Variants in FAM168A observed in about 807,000 individuals in gnomAD.
FAM168A encodes the protein protein FAM168A.
FAM168A carries 3 observed loss-of-function variants against 28.5 expected under a neutral mutation model. The ratio of observed to expected loss-of-function variants is 0.11; its 90% CI spans 0.05 to 0.27. FAM168A has a LOEUF of 0.27. Ranked by LOEUF, FAM168A falls within the 10% of genes least tolerant of loss-of-function variation. The pLI is 1.00. For missense variants in FAM168A, 222 were observed against 311.5 expected, an observed-to-expected ratio of 0.71 and a Z score of 2.16; for synonymous variants, 122 against 124.2, an observed-to-expected ratio of 0.98 and a Z score of 0.12.
At chr11:73,571,264 CCT>C (rs1024560082) in intron 1 of FAM168A, among the ~76,000 whole-genome samples, 1 of 139,340 alleles carries the variant, frequency 7.2e-6, no homozygotes, top group Non-Finnish European at 1.5e-5. Flanking sequence ...TCTCCCTCTC[CCT>C]CTCTTTCCAC....
At chr11:73,596,829 G>A (rs2134754744) in intron 1 of FAM168A, among the ~76,000 whole-genome samples, 1 of 151,920 alleles carries the variant, frequency 6.6e-6, no homozygotes, top group African/African-American at 2.4e-5. Flanking sequence ...AATTTCCCCT[G>A]TGCCACCTCA....
intron 1 of FAM168A, among the ~76,000 whole-genome samples, chr11:73,516,093 C>T (rs910479233): frequency 1.7e-4 from 24 of 142,292 alleles, no homozygotes; most frequent in African/African-American, 6.4e-4. Flanking sequence ...GACTGAGACT[C>T]TGCCTTTAAA....
chr11:73,430,586 C>T (rs1366876494), intron 3 of FAM168A, 104 bp downstream of exon 3: 36 of 1,070,530 alleles, frequency 3.4e-5, no homozygotes, highest in African/African-American at 7.8e-5. Context: ...AGGCTGCGCC[C>T]GGAGCAATTA....
Position 73,595,316 on chromosome 11 carries a change from G to C in FAM168A, c.-19+2607C>G, listed in dbSNP as rs577302410. ...AAAACACTTTCAATTCAAAGGATAA[G>C]TCCAACGTTCCATCATTCTGCCCAT... On this transcript the variant is annotated intron_variant, in intron 1 of 7. Coordinates refer to ENST00000356467, the MANE Select transcript of FAM168A (RefSeq NM_015159.3). 2.2e-4 allele frequency among the ~76,000 whole-genome samples: 34 copies of C among 152,116 alleles called. 1 individual carries two copies. The South Asian group carries it at 6.6e-3, about 30-fold the overall frequency.
chr11:73,560,074 T>A (rs1943940246), intron 1 of FAM168A, among the ~76,000 whole-genome samples: 1 of 152,156 alleles, frequency 6.6e-6, no homozygotes, highest in African/African-American at 2.4e-5. Context: ...TTCTTGTTGT[T>A]GTTTTCTGAG....
intron 1 of FAM168A, among the ~76,000 whole-genome samples, chr11:73,481,392 G>C (rs1022647914): frequency 6.6e-6 from 1 of 152,202 alleles, no homozygotes; most frequent in Non-Finnish European, 1.5e-5. Context: ...GTCAGGCACA[G>C]AGTACCAGGG....
chr11:73,484,685 TAG>T (rs1868026641), intron 1 of FAM168A, among the ~76,000 whole-genome samples: 1 of 127,720 alleles, frequency 7.8e-6, no homozygotes, highest in Non-Finnish European at 1.7e-5. Flanking sequence ...TGTATCGCTA[TAG>T]ATATATAGAT....
intron 1 of FAM168A, among the ~76,000 whole-genome samples, chr11:73,539,844 T>C (rs897512336): frequency 2.0e-5 from 3 of 152,178 alleles, no homozygotes; most frequent in African/African-American, 4.8e-5. Context: ...TGAAAACAGA[T>C]GGTCTTATAA....
chr11:73,479,625 T>C (rs941980675), intron 1 of FAM168A, among the ~76,000 whole-genome samples: 2 of 152,190 alleles, frequency 1.3e-5, no homozygotes, highest in African/African-American at 2.4e-5. Flanking sequence ...AGACTGTGCA[T>C]GGCTACAGGT....
chr11:73,455,234 C>T (rs1867507895), intron 2 of FAM168A, among the ~76,000 whole-genome samples: 2 of 152,228 alleles, frequency 1.3e-5, no homozygotes, highest in Non-Finnish European at 2.9e-5. Context: ...CTCCCTTCCA[C>T]AAAGGGTTGA....
chr11:73,429,709 G>A (rs149743144), intron 3 of FAM168A, among the ~76,000 whole-genome samples: 12 of 152,276 alleles, frequency 7.9e-5, no homozygotes, highest in African/African-American at 1.2e-4. Flanking sequence ...CAGGCAGACC[G>A]TTGTTCCCTC....
At chr11:73,542,570 G>A (rs1373661505) in intron 1 of FAM168A, among the ~76,000 whole-genome samples, 1 of 152,032 alleles carries the variant, frequency 6.6e-6, no homozygotes, top group African/African-American at 2.4e-5. Context: ...TTCTATCCTT[G>A]CCATCTGCTT....
intron 1 of FAM168A, among the ~76,000 whole-genome samples, chr11:73,470,155 C>T (rs1867793153): frequency 6.6e-6 from 1 of 152,124 alleles, no homozygotes; most frequent in Non-Finnish European, 1.5e-5. Flanking sequence ...CGTGATCCAC[C>T]CACCTCAGCC....
At chr11:73,554,566 T>C (rs565413483) in intron 1 of FAM168A, among the ~76,000 whole-genome samples, 1 of 152,270 alleles carries the variant, frequency 6.6e-6, no homozygotes, top group East Asian at 1.9e-4. Context: ...AGTTTTTCCA[T>C]AACAGGCATT....
intron 1 of FAM168A, among the ~76,000 whole-genome samples, chr11:73,470,385 A>T (rs1013703452): frequency 6.6e-6 from 1 of 152,178 alleles, no homozygotes; most frequent in Non-Finnish European, 1.5e-5. Context: ...AGGATGAGAA[A>T]GACTGATAAA....
At chr11:73,551,876 C>T (rs946792305) in intron 1 of FAM168A, among the ~76,000 whole-genome samples, 4 of 152,196 alleles carry the variant, frequency 2.6e-5, no homozygotes, top group Admixed American at 2.0e-4. Context: ...TTCAGAACTG[C>T]CATGTGCTAT....
chr11:73,484,756 A>G (rs1282407461), intron 1 of FAM168A, among the ~76,000 whole-genome samples: 2 of 149,504 alleles, frequency 1.3e-5, no homozygotes, highest in Admixed American at 6.7e-5. Flanking sequence ...ATAGATATAT[A>G]GGAATTTATT....
intron 1 of FAM168A, among the ~76,000 whole-genome samples, chr11:73,574,864 G>A (rs564594782): frequency 1.4e-4 from 21 of 151,518 alleles, no homozygotes; most frequent in South Asian, 8.3e-4. Context: ...GTGCCCATCC[G>A]ATGTTGGCCA....
chr11:73,513,965 C>T (rs1381162113), intron 1 of FAM168A, among the ~76,000 whole-genome samples: 10 of 152,100 alleles, frequency 6.6e-5, no homozygotes, highest in Admixed American at 3.9e-4. Flanking sequence ...GGGCAGATTG[C>T]TTGAGCCCAG....
Sources: gnomAD v4.1 joint callset for allele counts (sites outside exome capture counted in the v4.1 genomes callset) on GRCh38, gnomAD v4.1.1 for gene constraint, MANE v1.5 for transcripts, NCBI Gene and HGNC (gene_info 2026-07-23, HGNC 2026-07-21) for gene names.